Variants in PFN4 observed in about 807,000 individuals in gnomAD.
PFN4 encodes profilin-4.
In PFN4, 10 loss-of-function variants were observed where a neutral mutation model predicts 16.3. The observed-to-expected ratio is 0.61, with a 90% CI of 0.38 to 1.04. The LOEUF is 1.04. PFN4 is among the 50% of genes least tolerant of loss of function. The probability of loss-of-function intolerance (pLI) is 0.01; values close to 1 mark genes in which losing one functional copy is unlikely to be tolerated. For missense variants in PFN4, 136 were observed against 153.6 expected (o/e 0.89, Z 0.61); for synonymous variants, 54 against 56.9 (o/e 0.95, Z 0.23).
At chr2:24,115,717 T>C (rs1352063819) in intron 4 of PFN4, 106 bp from the exon 5 acceptor site, 10 of 1,243,646 alleles carry the variant, frequency 8.0e-6, no homozygotes, top group Admixed American at 1.7e-5. Flanking sequence ...GTGACTGCCA[T>C]GTGCTAGGCA....
rs763699421 is a variant in PFN4 at position 24,122,486 on chromosome 2, T to C, written c.50A>G (p.His17Arg). The C allele has an allele frequency of 6.2e-6, 10 of 1,614,192 alleles. No homozygotes were observed. The South Asian group carries it at 1.1e-4, about 18-fold the overall frequency. Residue 17 changes from histidine (H) to arginine (R), a missense_variant, in exon 2 of 5, where the codon CAT becomes CGT. Transcript: ENST00000313213. ...LLLDTLLGTK[H>R]VDSAALIKIQ... ...TTTGATGAGGGCTGCACTGTCCACATGCTTGGTTCCCAAGAGGGTGTCTAA... is the reference window on the plus strand; with the variant it reads ...TTTGATGAGGGCTGCACTGTCCACACGCTTGGTTCCCAAGAGGGTGTCTAA...
intron 4 of PFN4, among the ~76,000 whole-genome samples, chr2:24,119,265 G>T (rs1038312571): frequency 2.6e-5 from 4 of 152,022 alleles, no homozygotes; most frequent in African/African-American, 4.8e-5. Flanking sequence ...GGTCCTAAGA[G>T]AAATTAAGGG....
At chr2:24,121,387 C>T in intron 2 of PFN4, 87 bp from the exon 3 acceptor site, 1 of 1,304,402 alleles carries the variant, frequency 7.7e-7, no homozygotes, top group Non-Finnish European at 1.1e-6. Flanking sequence ...TTTTTATGGC[C>T]TGCAAGCTAA....
intron 4 of PFN4, among the ~76,000 whole-genome samples, chr2:24,117,432 G>C (rs1665956349): frequency 6.6e-6 from 1 of 150,820 alleles, no homozygotes; most frequent in South Asian, 2.1e-4. Flanking sequence ...AATGGTCATA[G>C]TTCTTCTTCT....
chr2:24,119,548 T>C (rs1666029104), intron 4 of PFN4, 29 bp downstream of exon 4: 3 of 1,540,708 alleles, frequency 1.9e-6, no homozygotes, highest in Non-Finnish European at 2.7e-6. Context: ...ACATAGGGAA[T>C]GAAGACAGGA....
intron 4 of PFN4, among the ~76,000 whole-genome samples, chr2:24,116,663 T>C (rs1665928390): frequency 6.6e-6 from 1 of 152,096 alleles, no homozygotes; most frequent in Admixed American, 6.5e-5. Flanking sequence ...GAGACCAGCC[T>C]GGCTAACATG....
chr2:24,121,130 T>G, intron 3 of PFN4, 33 bp downstream of exon 3: 1 of 1,609,290 alleles, frequency 6.2e-7, no homozygotes, highest in Non-Finnish European at 8.5e-7. Context: ...TTCTTTTCTT[T>G]TACTCAGCTC....
At chr2:24,115,757 A>T (rs1665894833) in intron 4 of PFN4, 146 bp from the exon 5 acceptor site, 2 of 825,466 alleles carry the variant, frequency 2.4e-6, no homozygotes, top group African/African-American at 3.4e-5. Context: ...AACAAGGGTG[A>T]CTGGATAGTT....
chr2:24,122,527 A>T lies in PFN4; in HGVS notation c.9T>A (p.His3Gln), dbSNP rs1449583153. The T allele has an allele frequency of 6.2e-7, 1 of 1,612,322 alleles. No homozygotes were observed. Among genetic ancestry groups the T allele is most frequent in the African/African-American group, 1.3e-5 (1 of 75,014 alleles). ...GGGTGTCTAACAATAAGCTCTGCAA[A>T]TGGCTCATGTTCCCTCAACTCTGAA... MS[H>Q]LQSLLLDTLL... The change falls in exon 2 of 5, where the codon CAT (histidine) becomes CAA (glutamine). Residue 3 changes from histidine to glutamine, a missense_variant. Coordinates refer to ENST00000313213, the MANE Select transcript of PFN4 (RefSeq NM_199346.3).
In PFN4 at chr2:24,115,370, A is replaced by C. The variant is rs1293409073; in HGVS notation, c.*213T>G. Reference sequence around the variant, plus strand: ...GAAATGATCAGTGCTCTCTCATTCCATGCCGATGACCAACACTTATTAAAA... The same window carrying C: ...GAAATGATCAGTGCTCTCTCATTCCCTGCCGATGACCAACACTTATTAAAA... On this transcript the variant is annotated 3_prime_UTR_variant, in exon 5 of 5. Coordinates refer to ENST00000313213, the MANE Select transcript of PFN4 (RefSeq NM_199346.3). The C allele has an allele frequency of 3.6e-6, 2 of 558,198 alleles. No individual in the cohort carries two copies. The highest frequency in any genetic ancestry group is 3.8e-5 in the African/African-American group (2 of 53,016). The allele number at this position is 558,198 out of a possible 1,614,324, so 34.6% of individuals were successfully genotyped here. A position where few individuals can be genotyped will look rare whatever the true frequency, so the allele number is the denominator to read the frequency against.
intron 4 of PFN4, among the ~76,000 whole-genome samples, chr2:24,117,481 C>T (rs766636179): frequency 4.6e-5 from 7 of 150,984 alleles, no homozygotes; most frequent in Non-Finnish European, 8.8e-5. Flanking sequence ...CTCGCTGTGA[C>T]GCCCAGGCTG....
chr2:24,117,246 C>T (rs1311211549), intron 4 of PFN4, among the ~76,000 whole-genome samples: 1 of 151,998 alleles, frequency 6.6e-6, no homozygotes, highest in African/African-American at 2.4e-5. Context: ...AAACTCCTGT[C>T]GTCAAATGAT....
At chr2:24,119,995 G>A (rs1666052380) in intron 3 of PFN4, among the ~76,000 whole-genome samples, 2 of 152,146 alleles carry the variant, frequency 1.3e-5, no homozygotes, top group Admixed American at 1.3e-4. Flanking sequence ...TAGGCCGGGT[G>A]CAGTGGCTCC....
At chr2:24,120,234 A>AT (rs1666061793) in intron 3 of PFN4, among the ~76,000 whole-genome samples, 1 of 151,760 alleles carries the variant, frequency 6.6e-6, no homozygotes, top group Non-Finnish European at 1.5e-5. Flanking sequence ...GTGCCATTGC[A>AT]CTCCAGCCTG....
chr2:24,118,811 T>C (rs777570470), intron 4 of PFN4, among the ~76,000 whole-genome samples: 9 of 152,224 alleles, frequency 5.9e-5, no homozygotes, highest in Admixed American at 6.5e-5. Context: ...ACATGGTAAG[T>C]ACCTCTGAAT....
At chr2:24,119,797 T>A (rs1666038779) in intron 3 of PFN4, 115 bp from the exon 4 acceptor site, 1 of 694,120 alleles carries the variant, frequency 1.4e-6, no homozygotes, top group Non-Finnish European at 2.4e-6. Context: ...GGAATATATA[T>A]GGAATATACA....
chr2:24,121,127 C>A (rs779806434), intron 3 of PFN4, 36 bp downstream of exon 3: 23 of 1,608,504 alleles, frequency 1.4e-5, no homozygotes, highest in Non-Finnish European at 1.9e-5. Flanking sequence ...AAATTCTTTT[C>A]TTTTACTCAG....
intron 4 of PFN4, among the ~76,000 whole-genome samples, chr2:24,117,602 C>T (rs747264297): frequency 4.6e-5 from 7 of 152,102 alleles, no homozygotes; most frequent in Admixed American, 3.9e-4. Context: ...ACCACCACAC[C>T]CAGCTAATTT....
intron 3 of PFN4, among the ~76,000 whole-genome samples, chr2:24,120,829 G>C (rs1292236704): frequency 6.6e-6 from 1 of 151,728 alleles, no homozygotes; most frequent in Non-Finnish European, 1.5e-5. Context: ...GAGCCACTGT[G>C]CCTGGCCACT....
Sources: allele counts gnomAD v4.1 joint callset (sites outside exome capture counted in the v4.1 genomes callset), GRCh38; gene constraint gnomAD v4.1.1; transcripts MANE v1.5; gene names NCBI Gene and HGNC (gene_info 2026-07-23, HGNC 2026-07-21).